The following DUSP16 variants were observed in gnomAD, a reference collection of about 807,000 sequenced individuals.
DUSP16 encodes dual specificity phosphatase 16.
A neutral mutation model predicts 58.3 loss-of-function variants in DUSP16; 21 were observed. That is an observed-to-expected ratio of 0.36 (90% CI 0.26 to 0.52). The LOEUF (loss-of-function observed/expected upper bound fraction) is 0.52. Among genes scored for constraint, DUSP16 ranks in the 20% least tolerant of loss-of-function variants. The probability of loss-of-function intolerance (pLI) is 0.94; values close to 1 mark genes in which losing one functional copy is unlikely to be tolerated. For missense variants in DUSP16, 726 were observed against 819.0 expected, an observed-to-expected ratio of 0.89 and a Z score of 1.39; for synonymous variants, 320 against 323.8, an observed-to-expected ratio of 0.99 and a Z score of 0.12.
intron 1 of DUSP16, among the ~76,000 whole-genome samples, chr12:12,552,371 G>A (rs936663798): frequency 3.2e-4 from 49 of 152,064 alleles, no homozygotes; most frequent in African/African-American, 1.2e-3. Flanking sequence ...ACTTGAACCC[G>A]GGAGGCAGAG....
intron 1 of DUSP16, among the ~76,000 whole-genome samples, chr12:12,540,834 A>G (rs1029725160): frequency 6.6e-6 from 1 of 152,012 alleles, no homozygotes; most frequent in Non-Finnish European, 1.5e-5. Flanking sequence ...TCTGGAGGCA[A>G]CTTCCTGTCA....
At chr12:12,524,954 CCTT>C (rs1281361630) in intron 1 of DUSP16, among the ~76,000 whole-genome samples, 4 of 152,284 alleles carry the variant, frequency 2.6e-5, no homozygotes, top group African/African-American at 7.2e-5. Flanking sequence ...TATTCATAAT[CCTT>C]CTTCTACCAT....
chr12:12,500,731 T>C, intron 3 of DUSP16, 49 bp from the exon 4 acceptor site: 1 of 1,452,866 alleles, frequency 6.9e-7, no homozygotes. Context: ...ACGCACAAAA[T>C]AAAAACCAGC....
At chr12:12,496,366 G>A (rs573232504) in intron 4 of DUSP16, among the ~76,000 whole-genome samples, 1 of 152,160 alleles carries the variant, frequency 6.6e-6, no homozygotes, top group Non-Finnish European at 1.5e-5. Flanking sequence ...ACTCTTCTAA[G>A]AAAACAACAG....
chr12:12,560,093 T>C (rs540101283), intron 1 of DUSP16, among the ~76,000 whole-genome samples: 1 of 152,112 alleles, frequency 6.6e-6, no homozygotes. Flanking sequence ...GCATTCTAAA[T>C]TGAAAAAGGA....
At chr12:12,557,524 T>C (rs932613663) in intron 1 of DUSP16, among the ~76,000 whole-genome samples, 1 of 152,058 alleles carries the variant, frequency 6.6e-6, no homozygotes, top group East Asian at 1.9e-4. Flanking sequence ...GGTTTCTTTT[T>C]CTTTAATTCC....
At position 12,477,492 on chromosome 12, in the gene DUSP16, G is replaced by A. The variant is rs1943472565; in HGVS notation, c.1339C>T (p.Pro447Ser). ...DGTNKLCQFS[P>S]VQELSEQTPE... ...GTCTGCTCCGATAGTTCCTGAACAG[G>A]GGAGAACTGGCATAGCTTGTTGGTC... Residue 447 changes from proline to serine, a missense_variant, in exon 7 of 7, where the codon CCT (proline) becomes TCT (serine). By Grantham distance (74) the Pro-to-Ser change is moderately conservative (BLOSUM62 -1). Coordinates refer to ENST00000298573, the MANE Select transcript of DUSP16 (RefSeq NM_030640.3). The surrounding 1 kb of genome is among the most constrained non-coding windows in gnomAD (Gnocchi z 4.1). The A allele has an allele frequency of 6.3e-7, 1 of 1,597,092 alleles. No homozygotes were observed. The highest frequency in any genetic ancestry group is 1.3e-5 in the African/African-American group (1 of 74,590).
chr12:12,518,424 A>C (rs1414563610), intron 3 of DUSP16, among the ~76,000 whole-genome samples: 1 of 152,022 alleles, frequency 6.6e-6, no homozygotes, highest in Non-Finnish European at 1.5e-5. Flanking sequence ...GAGGCAGGAG[A>C]ATCGCTTGAA....
chr12:12,553,569 G>T (rs1175224125), intron 1 of DUSP16, among the ~76,000 whole-genome samples: 1 of 152,164 alleles, frequency 6.6e-6, no homozygotes, highest in East Asian at 1.9e-4. Flanking sequence ...TTGAAACAGG[G>T]TCTCACTCTG....
chr12:12,558,175 A>G (rs58968872), intron 1 of DUSP16, among the ~76,000 whole-genome samples: 14,521 of 152,296 alleles, frequency 0.095, 1,368 homozygotes, highest in East Asian at 0.25. Context: ...TACTGCTAAC[A>G]AATGTTTTGC....
intron 5 of DUSP16, among the ~76,000 whole-genome samples, chr12:12,484,024 AAGAATTTGTGTTTG>A (rs1943629715): frequency 6.6e-6 from 1 of 152,080 alleles, no homozygotes; most frequent in Admixed American, 6.5e-5. Flanking sequence ...ATTTATCTTT[AAGAATTTGTGTTTG>A]AGAATAATTA....
intron 4 of DUSP16, among the ~76,000 whole-genome samples, chr12:12,490,644 A>T (rs1292401096): frequency 6.6e-6 from 1 of 152,066 alleles, no homozygotes; most frequent in East Asian, 1.9e-4. Context: ...AGGTTAGCTG[A>T]CTGGAGTTCG....
intron 4 of DUSP16, among the ~76,000 whole-genome samples, chr12:12,496,274 T>C (rs1943826712): frequency 6.6e-6 from 1 of 152,228 alleles, no homozygotes; most frequent in Non-Finnish European, 1.5e-5. Flanking sequence ...TGACACGCTT[T>C]TGTGTTCCTA....
chr12:12,537,430 G>A (rs1008067458), intron 1 of DUSP16, among the ~76,000 whole-genome samples: 6 of 152,132 alleles, frequency 3.9e-5, no homozygotes, highest in African/African-American at 1.4e-4. Context: ...TCAGTACCAG[G>A]CAATGTTCCT....
intron 1 of DUSP16, among the ~76,000 whole-genome samples, chr12:12,532,151 C>T (rs959470210): frequency 1.3e-5 from 2 of 150,364 alleles, no homozygotes; most frequent in South Asian, 2.1e-4. Context: ...GGCGACAGAG[C>T]GAGACTCCGT....
chr12:12,518,994 C>G (rs1475726470), intron 3 of DUSP16, among the ~76,000 whole-genome samples: 2 of 152,152 alleles, frequency 1.3e-5, no homozygotes, highest in African/African-American at 4.8e-5. Context: ...TTTCTTAGAC[C>G]AAATGTTTAA....
chr12:12,502,338 C>T (rs1943921693), intron 3 of DUSP16, among the ~76,000 whole-genome samples: 1 of 152,190 alleles, frequency 6.6e-6, no homozygotes, highest in Admixed American at 6.5e-5. Flanking sequence ...ACAACTATGC[C>T]ACCTGCAGAA....
At chr12:12,487,660 G>A (rs951734633) in intron 4 of DUSP16, among the ~76,000 whole-genome samples, 1 of 152,088 alleles carries the variant, frequency 6.6e-6, no homozygotes, top group Non-Finnish European at 1.5e-5. Flanking sequence ...ACATGCTGAT[G>A]GCGTGTGTGT....
At chr12:12,480,878 C>T (rs1316935723) in intron 5 of DUSP16, among the ~76,000 whole-genome samples, 1 of 152,088 alleles carries the variant, frequency 6.6e-6, no homozygotes, top group African/African-American at 2.4e-5. Flanking sequence ...AGCACCACGC[C>T]TGGCTAATTT....
Sources: gnomAD v4.1 joint callset for allele counts (sites outside exome capture counted in the v4.1 genomes callset) on GRCh38, gnomAD v4.1.1 for gene constraint, Gnocchi (gnomAD v3.1) non-coding constraint, MANE v1.5 for transcripts, NCBI Gene and HGNC (gene_info 2026-07-23, HGNC 2026-07-21) for gene names.